TENM1: variants seen among roughly 807,000 people sequenced by gnomAD.
TENM1 encodes the protein teneurin transmembrane protein 1.
TENM1 carries 35 observed loss-of-function variants against 174.8 expected under a neutral mutation model. The observed-to-expected ratio is 0.20, with a 90% confidence interval of 0.15 to 0.27. The LOEUF (loss-of-function observed/expected upper bound fraction) is 0.27. Among genes scored for constraint, TENM1 ranks in the 10% least tolerant of loss-of-function variants. The probability of loss-of-function intolerance (pLI) is 1.00; values close to 1 mark genes in which losing one functional copy is unlikely to be tolerated. For synonymous variants in TENM1, 781 were observed against 798.7 expected, an observed-to-expected ratio of 0.98 and a Z score of 0.37; for missense variants, 1,633 against 2,130.1, an observed-to-expected ratio of 0.77 and a Z score of 4.59.
At chrX:124,901,004 C>A (rs190333943) in intron 1 of TENM1, among the ~76,000 whole-genome samples, 19 of 110,499 alleles carry the variant, frequency 1.7e-4, no homozygotes, top group African/African-American at 5.9e-4. Flanking sequence ...GTTGGCCAGG[C>A]TGGTCTCGAA....
At chrX:124,392,106 A>T in exon 28 of TENM1, 1 of 1,210,576 alleles carries the variant, frequency 8.3e-7, no homozygotes, top group South Asian at 1.8e-5. Context: ...TTCTTGAAAT[A>T]ATTTTCCCAC....
the TENM1 span, among the ~76,000 whole-genome samples, chrX:125,182,036 G>A: frequency 9.0e-6 from 1 of 110,896 alleles, no homozygotes; most frequent in Non-Finnish European, 1.9e-5. Context: ...GAGATCCAGG[G>A]GTCAGAAGCC....
At chrX:124,418,999 T>C (rs2060622342) in intron 25 of TENM1, among the ~76,000 whole-genome samples, 1 of 111,889 alleles carries the variant, frequency 8.9e-6, no homozygotes, top group Non-Finnish European at 1.9e-5. Flanking sequence ...GGGGCACCTA[T>C]CCCATGTTAT....
the TENM1 span, among the ~76,000 whole-genome samples, chrX:125,083,068 G>A: frequency 9.0e-6 from 1 of 111,524 alleles, no homozygotes; most frequent in South Asian, 3.7e-4. Context: ...TATCCCTGGT[G>A]TCTAGAACTA....
chrX:124,945,892 A>G (rs1379181410), intron 1 of TENM1, among the ~76,000 whole-genome samples: 5 of 112,251 alleles, frequency 4.5e-5, no homozygotes, highest in Non-Finnish European at 9.4e-5. Context: ...TGAGCTGGTC[A>G]CAGCTGAGAG....
intron 1 of TENM1, among the ~76,000 whole-genome samples, chrX:124,921,266 C>A (rs1226670936): frequency 9.1e-6 from 1 of 110,324 alleles, no homozygotes; most frequent in East Asian, 2.8e-4. Context: ...ATAAATAACT[C>A]CCTATCTAAC....
chrX:125,042,850 T>G, the TENM1 span, among the ~76,000 whole-genome samples: 3 of 111,300 alleles, frequency 2.7e-5, no homozygotes, highest in African/African-American at 9.8e-5. Context: ...GATGCTAAAA[T>G]TTTTACAATA....
At chrX:124,970,297 C>A in the TENM1 span, among the ~76,000 whole-genome samples, 1 of 111,651 alleles carries the variant, frequency 9.0e-6, no homozygotes. Context: ...TCTCACTCCA[C>A]CTCAGAAAAA....
the TENM1 span, among the ~76,000 whole-genome samples, chrX:125,127,140 C>T: frequency 3.6e-5 from 4 of 111,491 alleles, no homozygotes; most frequent in African/African-American, 1.3e-4. Context: ...TACTATCAAC[C>T]ACAGAACACA....
chrX:124,884,824 C>T (rs917222105), intron 3 of TENM1, among the ~76,000 whole-genome samples: 3 of 111,675 alleles, frequency 2.7e-5, no homozygotes, highest in South Asian at 7.5e-4. Flanking sequence ...CATTTCTTAA[C>T]GACACGGATA....
intron 3 of TENM1, among the ~76,000 whole-genome samples, chrX:124,804,402 G>T (rs1310055360): frequency 9.0e-6 from 1 of 111,593 alleles, no homozygotes; most frequent in Non-Finnish European, 1.9e-5. Flanking sequence ...TATAATAACG[G>T]CCCAGTTCCT....
In TENM1 at chrX:124,652,069, C is replaced by T. The variant is rs2051322737; in HGVS notation, c.1424G>A (p.Gly475Asp). The change falls in exon 8 of 32, where the codon GGC becomes GAC. Residue 475 changes from glycine (G) to aspartate (D), a missense_variant. Physicochemically the swap from Gly to Asp is moderately conservative, Grantham distance 94. Coordinates refer to ENST00000422452, the Ensembl canonical transcript of TENM1. ...AGGGGAGTGCTGTGTATCATCAGAG[C>T]CCTTGGAGTCCTGCTTGACCAGCTG... 8.3e-7 allele frequency: 1 copy of T among 1,210,802 alleles called. No homozygotes were observed. The highest frequency in any genetic ancestry group is 1.1e-6 in the Non-Finnish European group (1 of 894,874).
chrX:125,000,398 G>A, the TENM1 span, among the ~76,000 whole-genome samples: 8 of 111,467 alleles, frequency 7.2e-5, no homozygotes, highest in African/African-American at 1.3e-4. Context: ...CACTGGGGCC[G>A]TCTTTCTATT....
chrX:124,918,632 G>A (rs964497903), intron 1 of TENM1, among the ~76,000 whole-genome samples: 3 of 110,294 alleles, frequency 2.7e-5, no homozygotes. Context: ...AAACAAAAGT[G>A]AAAGAGGCCT....
chrX:124,557,962 T>C (rs2048731821), intron 14 of TENM1, among the ~76,000 whole-genome samples: 1 of 111,707 alleles, frequency 9.0e-6, no homozygotes, highest in Admixed American at 9.5e-5. Flanking sequence ...TTCCTCCAAG[T>C]ATAGGGTTGT....
intron 3 of TENM1, among the ~76,000 whole-genome samples, chrX:124,850,457 T>C (rs2056696380): frequency 9.0e-6 from 1 of 111,431 alleles, no homozygotes; most frequent in African/African-American, 3.3e-5. Flanking sequence ...TTTAAGTTCA[T>C]ACAGGCTTTC....
chrX:124,410,420 A>G (rs372498807), intron 25 of TENM1, among the ~76,000 whole-genome samples: 39 of 112,268 alleles, frequency 3.5e-4, no homozygotes, highest in African/African-American at 1.2e-3. Context: ...AAAAAACCCT[A>G]GAAGAAAACC....
intron 3 of TENM1, among the ~76,000 whole-genome samples, chrX:124,788,825 G>A (rs984276928): frequency 8.9e-6 from 1 of 112,021 alleles, no homozygotes; most frequent in African/African-American, 3.3e-5. Context: ...GCTTTTCCAG[G>A]TGCATGATAC....
chrX:124,820,273 CTT>C (rs2056009326), intron 3 of TENM1, among the ~76,000 whole-genome samples: 1 of 111,463 alleles, frequency 9.0e-6, no homozygotes, highest in African/African-American at 3.3e-5. Flanking sequence ...ACTTTCATGT[CTT>C]TCCTTATACA....
Sources: gnomAD v4.1 joint callset for allele counts (sites outside exome capture counted in the v4.1 genomes callset) on GRCh38, gnomAD v4.1.1 for gene constraint, MANE v1.5 for transcripts, NCBI Gene and HGNC (gene_info 2026-07-23, HGNC 2026-07-21) for gene names.